The following KIRREL3 variants were observed in gnomAD, a reference collection of about 807,000 sequenced individuals.
The protein encoded by KIRREL3 is kirre like nephrin family adhesion molecule 3.
A neutral mutation model predicts 89.7 loss-of-function variants in KIRREL3; 36 were observed. That is an observed-to-expected ratio of 0.40 (90% CI 0.31 to 0.53). The LOEUF is 0.53. Among genes scored for constraint, KIRREL3 ranks in the 20% least tolerant of loss-of-function variants. The pLI is 0.49. For missense variants in KIRREL3, 864 were observed against 1,056.6 expected, an observed-to-expected ratio of 0.82 and a Z score of 2.53; for synonymous variants, 445 against 441.4, an observed-to-expected ratio of 1.01 and a Z score of -0.10.
Position 126,525,317 on chromosome 11 carries a change from C to A in KIRREL3, c.283+1221G>T, listed in dbSNP as rs959045393. 6.6e-6 allele frequency among the ~76,000 whole-genome samples: 1 copy of A among 152,216 alleles called. No individual in the cohort carries two copies. Among genetic ancestry groups the A allele is most frequent in the Non-Finnish European group, 1.5e-5 (1 of 68,038 alleles). On this transcript the variant is annotated intron_variant, in intron 3 of 16. Coordinates refer to ENST00000525144, the MANE Select transcript of KIRREL3 (RefSeq NM_032531.4). This position sits in a 1 kb window ranked among gnomAD's most constrained non-coding sequence, Gnocchi z 5.4. ...CTATTCTAGTTTGGGAAGGTTGTAT[C>A]ATTCCTGGAGTTTCTCTAGGGTAAA...
chr11:126,737,152 C>T (rs1458267023), intron 1 of KIRREL3, among the ~76,000 whole-genome samples: 1 of 152,124 alleles, frequency 6.6e-6, no homozygotes, highest in Admixed American at 6.5e-5. Flanking sequence ...ATGAATGTGT[C>T]CCCTGATTGG....
In KIRREL3 at chr11:127,000,406, T is replaced by C; in HGVS notation, c.55+49A>G. 6.5e-7 allele frequency: 1 copy of C among 1,537,658 alleles called. No homozygotes were observed. Among genetic ancestry groups the C allele is most frequent in the Admixed American group, 2.0e-5 (1 of 51,226 alleles). Reference sequence around the variant, plus strand: ...TTCCTGCCCACAGCCTCCCGCGCCCTGACAACCCAGCCGACTTTCTTCCAA... The same window carrying C: ...TTCCTGCCCACAGCCTCCCGCGCCCCGACAACCCAGCCGACTTTCTTCCAA... On this transcript the variant is annotated intron_variant, in intron 1 of 16. Transcript: ENST00000525144. This position sits in a 1 kb window ranked among gnomAD's most constrained non-coding sequence, Gnocchi z 7.1.
In KIRREL3 at chr11:126,782,661, G is replaced by A. The variant is rs2134332680; in HGVS notation, c.55+217794C>T. Among the ~76,000 whole-genome samples the A allele has an allele frequency of 6.6e-6, 1 of 152,318 alleles. No individual in the cohort carries two copies. The highest frequency in any genetic ancestry group is 2.1e-4 in the South Asian group (1 of 4,830). On this transcript the variant is annotated intron_variant, in intron 1 of 16. Transcript: ENST00000525144. This position sits in a 1 kb window ranked among gnomAD's most constrained non-coding sequence, Gnocchi z 4.1. The stretch of plus-strand genomic sequence containing the variant: ...TGTTGGAGTGGGAGGTTACAGATAA[G>A]CAAAAGGAGGGGGCTAGAATGATCC...
At chr11:126,984,743 T>G (rs1159925287) in intron 1 of KIRREL3, among the ~76,000 whole-genome samples, 2 of 152,120 alleles carry the variant, frequency 1.3e-5, no homozygotes. Context: ...TGCCTCTCAA[T>G]GAAGTATTCA....
chr11:126,546,918 T>G (rs1215541437), intron 2 of KIRREL3, among the ~76,000 whole-genome samples: 1 of 152,194 alleles, frequency 6.6e-6, no homozygotes, highest in African/African-American at 2.4e-5. Context: ...GAGATCAAGG[T>G]CAAAGTCATA....
rs7102589 is a variant in KIRREL3, at chr11:126,750,833, T to C, written c.56-187921A>G. On this transcript the variant is annotated intron_variant, in intron 1 of 16. Coordinates refer to ENST00000525144, the MANE Select transcript of KIRREL3 (RefSeq NM_032531.4). The surrounding 1 kb of genome is among the most constrained non-coding windows in gnomAD (Gnocchi z 4.2). ...AGGTCCTCAGTGACTGATGCTCATA[T>C]ATTCTTTCCATTTTCATGAGTACTA... 4.1e-3 allele frequency among the ~76,000 whole-genome samples: 620 copies of C among 152,360 alleles called. 4 individuals carry two copies. The highest frequency in any genetic ancestry group is 0.014 in the African/African-American group (601 of 41,592).
At chr11:126,539,727 C>T (rs12276874) in intron 2 of KIRREL3, among the ~76,000 whole-genome samples, 8,619 of 151,968 alleles carry the variant, frequency 0.057, 732 homozygotes, top group African/African-American at 0.19. Flanking sequence ...TCCAGAATCC[C>T]CCAGGTGATG....
intron 1 of KIRREL3, among the ~76,000 whole-genome samples, chr11:126,733,602 C>T (rs941846054): frequency 1.3e-5 from 2 of 152,150 alleles, no homozygotes; most frequent in African/African-American, 4.8e-5. Context: ...TTATACAAGG[C>T]TACATGATCA....
At chr11:126,552,843 G>A (rs1161639490) in intron 2 of KIRREL3, among the ~76,000 whole-genome samples, 11 of 151,928 alleles carry the variant, frequency 7.2e-5, no homozygotes, top group African/African-American at 2.4e-4. Context: ...GATTACAGGC[G>A]TGAGCCACCG....
Position 126,636,553 on chromosome 11 carries a change from C to T in KIRREL3, c.56-73641G>A, listed in dbSNP as rs966613531. 6.6e-6 allele frequency among the ~76,000 whole-genome samples: 1 copy of T among 152,198 alleles called. No individual in the cohort carries two copies. Among genetic ancestry groups the T allele is most frequent in the African/African-American group, 2.4e-5 (1 of 41,446 alleles). On this transcript the variant is annotated intron_variant, in intron 1 of 16. Coordinates refer to ENST00000525144, the MANE Select transcript of KIRREL3 (RefSeq NM_032531.4). This position sits in a 1 kb window ranked among gnomAD's most constrained non-coding sequence, Gnocchi z 4.4. Reference sequence around the variant, plus strand: ...TACAGACATTTGAGTGTCTGCCCCTCATCCTGCCCCCCAGATCTCACTGCT... The same window carrying T: ...TACAGACATTTGAGTGTCTGCCCCTTATCCTGCCCCCCAGATCTCACTGCT...
chr11:126,488,418 C>T (rs1016323521), intron 4 of KIRREL3, among the ~76,000 whole-genome samples: 2 of 152,204 alleles, frequency 1.3e-5, no homozygotes, highest in Admixed American at 6.5e-5. Context: ...ATATGTGCCT[C>T]GAGTAATGCA....
intron 1 of KIRREL3, among the ~76,000 whole-genome samples, chr11:126,846,108 G>A (rs1944132713): frequency 1.3e-5 from 2 of 152,194 alleles, no homozygotes; most frequent in Admixed American, 1.3e-4. Flanking sequence ...TGCATTATGA[G>A]AGAGCTTTGG....
In KIRREL3 at chr11:126,555,208, G is replaced by A. The variant is rs1243680679; in HGVS notation, c.133+7627C>T. On this transcript the variant is annotated intron_variant, in intron 2 of 16. Coordinates refer to ENST00000525144, the MANE Select transcript of KIRREL3 (RefSeq NM_032531.4). The surrounding 1 kb of genome is among the most constrained non-coding windows in gnomAD (Gnocchi z 4.2). ...AGATGAGTGACTGGCCGGTTCCAGC[G>A]TTCATTCCCTCTGGTTCCTGCACTT... Among the ~76,000 whole-genome samples, 2 of 152,080 alleles carry A rather than the reference G, an allele frequency of 1.3e-5. No homozygotes were observed. The highest frequency in any genetic ancestry group is 2.9e-5 in the Non-Finnish European group (2 of 68,016).
chr11:126,860,913 C>A lies in KIRREL3; in HGVS notation c.55+139542G>T, dbSNP rs543413768. On this transcript the variant is annotated intron_variant, in intron 1 of 16. Coordinates refer to ENST00000525144, the MANE Select transcript of KIRREL3 (RefSeq NM_032531.4). The surrounding 1 kb of genome is among the most constrained non-coding windows in gnomAD (Gnocchi z 4.6). ...TACCTCCTTTGTACCACTCTTGGTA[C>A]GTGCCACCTCCTATACAAAGCCTCT... 6.6e-6 allele frequency among the ~76,000 whole-genome samples: 1 copy of A among 152,152 alleles called. No individual in the cohort carries two copies. The highest frequency in any genetic ancestry group is 1.9e-4 in the East Asian group (1 of 5,186).
intron 4 of KIRREL3, among the ~76,000 whole-genome samples, chr11:126,478,647 ATG>A (rs1957138376): frequency 1.6e-5 from 2 of 127,110 alleles, no homozygotes; most frequent in Non-Finnish European, 3.0e-5. Context: ...GTATGTGTGT[ATG>A]TATGTGTATA....
At position 126,430,424 on chromosome 11, in the gene KIRREL3, AAAAG is replaced by A. The variant is rs1955088122; in HGVS notation, c.1696+991_1696+994del. ...CGTGTCACTGCACTTCAGCCTGGCC[AAAAG>A]AGAGAGACCCTATATAAAAAAAAAC... On this transcript the variant is annotated intron_variant, in intron 14 of 16. Coordinates refer to ENST00000525144, the MANE Select transcript of KIRREL3 (RefSeq NM_032531.4). The surrounding 1 kb of genome is among the most constrained non-coding windows in gnomAD (Gnocchi z 6.6). Among the ~76,000 whole-genome samples the A allele has an allele frequency of 6.6e-6, 1 of 152,206 alleles. No individual in the cohort carries two copies. The highest frequency in any genetic ancestry group is 2.4e-5 in the African/African-American group (1 of 41,452).
At chr11:126,815,564 C>T (rs1232440930) in intron 1 of KIRREL3, among the ~76,000 whole-genome samples, 1 of 152,124 alleles carries the variant, frequency 6.6e-6, no homozygotes, top group Non-Finnish European at 1.5e-5. Flanking sequence ...GGCGGAGTCT[C>T]CCTCTGTCGC....
rs755411806 is a variant in KIRREL3, at chr11:126,428,803, C to T, written c.1806+376G>A. On this transcript the variant is annotated intron_variant, in intron 15 of 16. Coordinates refer to ENST00000525144, the MANE Select transcript of KIRREL3 (RefSeq NM_032531.4). This position sits in a 1 kb window ranked among gnomAD's most constrained non-coding sequence, Gnocchi z 6.4. Reference sequence around the variant, plus strand: ...CTGGGATTACAGGCGCCCGCCACCACGCCCAGCTAATTTTTGTATTTTTAG... The same window carrying T: ...CTGGGATTACAGGCGCCCGCCACCATGCCCAGCTAATTTTTGTATTTTTAG... Among the ~76,000 whole-genome samples, 9 of 152,106 alleles carry T rather than the reference C, an allele frequency of 5.9e-5. No homozygotes were observed. The highest frequency in any genetic ancestry group is 3.9e-4 in the East Asian group (2 of 5,178).
chr11:126,888,788 A>G (rs941980814), intron 1 of KIRREL3, among the ~76,000 whole-genome samples: 1 of 152,220 alleles, frequency 6.6e-6, no homozygotes, highest in Non-Finnish European at 1.5e-5. Flanking sequence ...GAGCAGTAGC[A>G]CTGACCCATT....
Sources: gnomAD v4.1 joint callset for allele counts (sites outside exome capture counted in the v4.1 genomes callset) on GRCh38, gnomAD v4.1.1 for gene constraint, Gnocchi (gnomAD v3.1) non-coding constraint, MANE v1.5 for transcripts, NCBI Gene and HGNC (gene_info 2026-07-23, HGNC 2026-07-21) for gene names.